The following TMEM123 variants were observed in gnomAD, a reference collection of about 807,000 sequenced individuals.
TMEM123 encodes porimin.
Under a neutral mutation model 19.7 loss-of-function variants are expected in TMEM123, and 16 were observed. That is an observed-to-expected ratio of 0.81 (90% CI 0.55 to 1.23). The LOEUF (loss-of-function observed/expected upper bound fraction) is 1.23. Ranked by LOEUF, TMEM123 falls within the 50% of genes most tolerant of loss-of-function variation. TMEM123 has a pLI of 0.00. For missense variants in TMEM123, 313 were observed against 257.8 expected (o/e 1.21, Z -1.47); for synonymous variants, 118 against 99.4 (o/e 1.19, Z -1.12).
chr11:102,430,271 T>C (rs1041673482), intron 2 of TMEM123, among the ~76,000 whole-genome samples: 2 of 152,236 alleles, frequency 1.3e-5, no homozygotes, highest in Non-Finnish European at 2.9e-5. Context: ...AAAACTGGTT[T>C]ACTCCTCCCA....
At chr11:102,401,780 G>T (rs1186639743) in intron 3 of TMEM123, 88 bp from the exon 4 acceptor site, 1 of 1,494,050 alleles carries the variant, frequency 6.7e-7, no homozygotes, top group Non-Finnish European at 8.9e-7. Context: ...TCTGTGTTAA[G>T]AACATTTAAT....
intron 2 of TMEM123, among the ~76,000 whole-genome samples, chr11:102,424,036 A>C (rs1442933203): frequency 5.9e-5 from 9 of 152,200 alleles, no homozygotes. Flanking sequence ...ACTGCTAACA[A>C]GTTCTATTAT....
In TMEM123 at chr11:102,397,244, T is replaced by C. The variant is rs546138911; in HGVS notation, c.*1623A>G. On this transcript the variant is annotated 3_prime_UTR_variant, in exon 5 of 5. Coordinates refer to ENST00000398136, the MANE Select transcript of TMEM123 (RefSeq NM_052932.3). ...ATGCACAGCAAGTAGAAATGATCCA[T>C]TTCAAAATTCTTAATATCTAGCGTT... 8 of 152,226 alleles carry C rather than the reference T, an allele frequency of 5.3e-5. No homozygotes were observed. Among genetic ancestry groups the C allele is most frequent in the Non-Finnish European group, 1.0e-4 (7 of 68,036 alleles). The allele number at this position is 152,226 out of a possible 1,614,324, so 9.4% of individuals were successfully genotyped here.
At chr11:102,448,915 G>T (rs558738239) in intron 1 of TMEM123, 47 bp from the exon 2 acceptor site, 1 of 1,582,468 alleles carries the variant, frequency 6.3e-7, no homozygotes, top group East Asian at 2.2e-5. Context: ...ATTTAACTAA[G>T]AATACTGGCA....
chr11:102,450,828 A>T (rs928089788), intron 1 of TMEM123, among the ~76,000 whole-genome samples: 2 of 152,256 alleles, frequency 1.3e-5, no homozygotes, highest in African/African-American at 4.8e-5. Flanking sequence ...ATATGTACCC[A>T]GTAAAAATCA....
chr11:102,423,448 C>A (rs984619816), intron 2 of TMEM123, among the ~76,000 whole-genome samples: 6 of 152,290 alleles, frequency 3.9e-5, no homozygotes, highest in African/African-American at 1.4e-4. Context: ...TGAAGATACT[C>A]AGGCAGCCCT....
In TMEM123 at chr11:102,398,653, TGAA is replaced by T. The variant is rs1266920276; in HGVS notation, c.*211_*213del. The T allele has an allele frequency of 9.7e-6, 4 of 414,368 alleles. No homozygotes were observed. The African/African-American group carries it at 3.8e-4, about 40-fold the overall frequency. The allele number at this position is 414,368 out of a possible 1,614,324, so 25.7% of individuals were successfully genotyped here. The stretch of plus-strand genomic sequence containing the variant: ...CTATGAACTTGCTAAAACCATTGTA[TGAA>T]CGGTCTATAAGGATCCAGATGTTTA... On this transcript the variant is annotated 3_prime_UTR_variant, in exon 5 of 5. Coordinates refer to ENST00000398136, the MANE Select transcript of TMEM123 (RefSeq NM_052932.3).
At position 102,397,210 on chromosome 11, in the gene TMEM123, T is replaced by C. The variant is rs976076991; in HGVS notation, c.*1657A>G. 4.6e-5 allele frequency: 7 copies of C among 152,212 alleles called. No homozygotes were observed. The highest frequency in any genetic ancestry group is 1.7e-4 in the African/African-American group (7 of 41,458). 9.4% of individuals were successfully genotyped at this position (152,212 alleles called of 1,614,324 possible). On this transcript the variant is annotated 3_prime_UTR_variant, in exon 5 of 5. Transcript: ENST00000398136. ...ATTTTTTTCTATATTCATCAGATTA[T>C]TGGTTAAAATGCACAGCAAGTAGAA...
intron 2 of TMEM123, among the ~76,000 whole-genome samples, chr11:102,434,022 T>G (rs576582757): frequency 6.6e-6 from 1 of 152,044 alleles, no homozygotes; most frequent in East Asian, 1.9e-4. Flanking sequence ...TAAATACACT[T>G]GGCTATTGTG....
At chr11:102,440,542 T>G (rs966040270) in intron 2 of TMEM123, among the ~76,000 whole-genome samples, 8 of 152,030 alleles carry the variant, frequency 5.3e-5, no homozygotes, top group African/African-American at 1.9e-4. Flanking sequence ...TAAGAGCTCC[T>G]AAAGGAAGCA....
chr11:102,423,793 G>T (rs1408778717), intron 2 of TMEM123, among the ~76,000 whole-genome samples: 4 of 152,170 alleles, frequency 2.6e-5, no homozygotes, highest in Non-Finnish European at 5.9e-5. Context: ...AGCTAACAGT[G>T]ATTATTTCTA....
At position 102,450,760 on chromosome 11, in the gene TMEM123, G is replaced by A. The variant is rs1220265544; in HGVS notation, c.100+1764C>T. On this transcript the variant is annotated intron_variant, in intron 1 of 4. Transcript: ENST00000398136. ...TTATCTATAAAATGGGGACGATACT[G>A]TGAGGATTCAATGGGATGATTTATG... Among the ~76,000 whole-genome samples the A allele has an allele frequency of 2.0e-5, 3 of 152,220 alleles. No individual in the cohort carries two copies. The South Asian group carries it at 6.2e-4, about 31-fold the overall frequency.
chr11:102,443,002 A>C (rs548442583), intron 2 of TMEM123, among the ~76,000 whole-genome samples: 5 of 152,200 alleles, frequency 3.3e-5, no homozygotes, highest in East Asian at 1.9e-4. Context: ...ATGTGAAGGA[A>C]CTGTTCAAGG....
At chr11:102,408,062 C>T (rs1951970995) in intron 2 of TMEM123, among the ~76,000 whole-genome samples, 1 of 152,258 alleles carries the variant, frequency 6.6e-6, no homozygotes, top group East Asian at 1.9e-4. Flanking sequence ...AAACCACTCA[C>T]AAAACTTGTT....
At position 102,417,025 on chromosome 11, in the gene TMEM123, G is replaced by A. The variant is rs112468412; in HGVS notation, c.158-14819C>T. Among the ~76,000 whole-genome samples, 194 of 152,080 alleles carry A rather than the reference G, an allele frequency of 1.3e-3. 1 individual carries two copies. The highest frequency in any genetic ancestry group is 3.3e-3 in the African/African-American group (138 of 41,472). ...TAAGATCCATCTATGACAAACCTAC[G>A]GCTAACATCATACTGAGTGGCCAAA... On this transcript the variant is annotated intron_variant, in intron 2 of 4. Transcript: ENST00000398136.
At chr11:102,407,323 C>A (rs1042597130) in intron 2 of TMEM123, among the ~76,000 whole-genome samples, 1 of 152,180 alleles carries the variant, frequency 6.6e-6, no homozygotes, top group South Asian at 2.1e-4. Context: ...AGGAGCTGCA[C>A]CCTACTAAAT....
At chr11:102,420,688 C>T (rs1226957269) in intron 2 of TMEM123, among the ~76,000 whole-genome samples, 1 of 152,168 alleles carries the variant, frequency 6.6e-6, no homozygotes, top group African/African-American at 2.4e-5. Context: ...ATCACAAAGT[C>T]AAGAAGCTTT....
chr11:102,433,020 G>T (rs751891804), intron 2 of TMEM123, among the ~76,000 whole-genome samples: 5 of 152,026 alleles, frequency 3.3e-5, no homozygotes, highest in African/African-American at 7.2e-5. Context: ...CCAGGCAGAA[G>T]TTTGCTGCAG....
chr11:102,412,799 T>C (rs1055683028), intron 2 of TMEM123, among the ~76,000 whole-genome samples: 1 of 152,156 alleles, frequency 6.6e-6, no homozygotes, highest in Admixed American at 6.5e-5. Flanking sequence ...AGTTGGACTT[T>C]TGTCAACATC....
Sources: allele counts gnomAD v4.1 joint callset (sites outside exome capture counted in the v4.1 genomes callset), GRCh38; gene constraint gnomAD v4.1.1; transcripts MANE v1.5; gene names NCBI Gene and HGNC (gene_info 2026-07-23, HGNC 2026-07-21).